The following NTRK3 variants were observed in gnomAD, a reference collection of about 807,000 sequenced individuals.
NTRK3 encodes neurotrophic receptor tyrosine kinase 3.
A neutral mutation model predicts 91.7 loss-of-function variants in NTRK3; 24 were observed. That is an observed-to-expected ratio of 0.26 (90% CI 0.19 to 0.37). NTRK3 has a LOEUF of 0.37. Among genes scored for constraint, NTRK3 ranks in the 10% least tolerant of loss-of-function variants. The pLI is 1.00. For missense variants in NTRK3, 880 were observed against 1,068.9 expected (o/e 0.82, Z 2.46); for synonymous variants, 483 against 404.0 (o/e 1.20, Z -2.34).
At chr15:88,064,197 T>C (rs1188726799) in intron 13 of NTRK3, among the ~76,000 whole-genome samples, 1 of 152,234 alleles carries the variant, frequency 6.6e-6, no homozygotes, top group Non-Finnish European at 1.5e-5. Context: ...CAGATTTCTC[T>C]TAAAAAGCCT....
chr15:87,962,139 C>G (rs1328258454), intron 14 of NTRK3, among the ~76,000 whole-genome samples: 1 of 152,234 alleles, frequency 6.6e-6, no homozygotes, highest in East Asian at 1.9e-4. Flanking sequence ...CAATGCTCCT[C>G]CCACACCCAG....
intron 13 of NTRK3, among the ~76,000 whole-genome samples, chr15:88,047,546 G>A (rs963496435): frequency 5.3e-5 from 8 of 152,090 alleles, no homozygotes; most frequent in Admixed American, 3.9e-4. Flanking sequence ...TCTAGATCAG[G>A]TTATATTATT....
intron 3 of NTRK3, among the ~76,000 whole-genome samples, chr15:88,193,433 G>A (rs1381907802): frequency 6.6e-6 from 1 of 152,108 alleles, no homozygotes; most frequent in Non-Finnish European, 1.5e-5. Flanking sequence ...GTCAGGGTCA[G>A]CAGTGGGGAA....
intron 14 of NTRK3, among the ~76,000 whole-genome samples, chr15:87,972,309 C>T (rs1244171614): frequency 6.6e-6 from 1 of 152,180 alleles, no homozygotes; most frequent in African/African-American, 2.4e-5. Flanking sequence ...GCATTACTTA[C>T]CAAAGCCAGG....
chr15:88,222,539 A>G (rs1409027590), intron 3 of NTRK3, among the ~76,000 whole-genome samples: 1 of 152,222 alleles, frequency 6.6e-6, no homozygotes, highest in African/African-American at 2.4e-5. Context: ...CATTTCTAGA[A>G]CATTTCACAC....
intron 14 of NTRK3, among the ~76,000 whole-genome samples, chr15:87,950,189 CAT>C (rs2070966783): frequency 6.6e-6 from 1 of 152,214 alleles, no homozygotes; most frequent in African/African-American, 2.4e-5. Context: ...TGGGCCAAGA[CAT>C]AGGTTGCAGG....
intron 17 of NTRK3, among the ~76,000 whole-genome samples, chr15:87,914,033 C>G (rs2067274118): frequency 6.6e-6 from 1 of 152,186 alleles, no homozygotes; most frequent in Non-Finnish European, 1.5e-5. Flanking sequence ...TGGAGTATTT[C>G]TGAACCTGCT....
At chr15:87,980,537 G>A (rs1340857129) in intron 14 of NTRK3, among the ~76,000 whole-genome samples, 6 of 152,192 alleles carry the variant, frequency 3.9e-5, no homozygotes, top group Non-Finnish European at 8.8e-5. Context: ...ACACATATGT[G>A]TGTGTTTGAA....
At chr15:88,185,073 A>G (rs766749865) in intron 3 of NTRK3, among the ~76,000 whole-genome samples, 2 of 152,186 alleles carry the variant, frequency 1.3e-5, no homozygotes, top group African/African-American at 4.8e-5. Flanking sequence ...GTAAAAGAGG[A>G]GAGTTGCACT....
At chr15:87,884,579 A>T (rs1336310996) in intron 17 of NTRK3, among the ~76,000 whole-genome samples, 1 of 151,776 alleles carries the variant, frequency 6.6e-6, no homozygotes, top group Non-Finnish European at 1.5e-5. Context: ...AAACTATGTT[A>T]TGAATATACT....
intron 14 of NTRK3, among the ~76,000 whole-genome samples, chr15:87,970,360 T>C (rs531198497): frequency 6.6e-6 from 1 of 152,290 alleles, no homozygotes; most frequent in Non-Finnish European, 1.5e-5. Context: ...GCAACCAGAA[T>C]TTTTTCTGAC....
intron 17 of NTRK3, among the ~76,000 whole-genome samples, chr15:87,898,284 G>A (rs149029066): frequency 2.0e-5 from 3 of 152,328 alleles, no homozygotes; most frequent in East Asian, 3.9e-4. Context: ...AGAGATAGAA[G>A]TTAATCTATT....
intron 3 of NTRK3, among the ~76,000 whole-genome samples, chr15:88,186,126 C>T (rs544291380): frequency 2.9e-4 from 44 of 152,282 alleles, no homozygotes; most frequent in African/African-American, 9.9e-4. Flanking sequence ...GTGTATTCCC[C>T]GGGTTTTGTA....
chr15:87,886,676 CTATATATATATATATA>C (rs35011403), intron 17 of NTRK3, among the ~76,000 whole-genome samples: 1 of 101,204 alleles, frequency 9.9e-6, no homozygotes, highest in Non-Finnish European at 2.0e-5. Flanking sequence ...CCACTTTTTG[CTATATATATATATATA>C]TATATATACA....
chr15:87,968,471 A>G (rs2072976925), intron 14 of NTRK3, among the ~76,000 whole-genome samples: 3 of 152,124 alleles, frequency 2.0e-5, no homozygotes, highest in Non-Finnish European at 4.4e-5. Flanking sequence ...GTTTTATAAC[A>G]GGAGTGTCAC....
intron 13 of NTRK3, among the ~76,000 whole-genome samples, chr15:88,057,207 G>T (rs1269354778): frequency 6.7e-6 from 1 of 150,044 alleles, no homozygotes; most frequent in African/African-American, 2.5e-5. Context: ...AAAGAAATGT[G>T]TCCTGAGGGC....
At chr15:88,152,767 C>T (rs1192142624) in intron 5 of NTRK3, among the ~76,000 whole-genome samples, 1 of 152,228 alleles carries the variant, frequency 6.6e-6, no homozygotes, top group African/African-American at 2.4e-5. Flanking sequence ...CTGTCACCCC[C>T]TTGCTCTGTC....
chr15:88,054,845 AT>A (rs201587565), intron 13 of NTRK3, among the ~76,000 whole-genome samples: 1 of 151,616 alleles, frequency 6.6e-6, no homozygotes, highest in African/African-American at 2.4e-5. Context: ...CTTTGCATGT[AT>A]TTTTTTTTCC....
chr15:87,865,152 T>C (rs1417066210), exon 19 of NTRK3: 4 of 210,228 alleles, frequency 1.9e-5, no homozygotes, highest in African/African-American at 9.1e-5. Flanking sequence ...TATGCAGCTT[T>C]ATTCTGATTT....
Sources: gnomAD v4.1 joint callset for allele counts (sites outside exome capture counted in the v4.1 genomes callset) on GRCh38, gnomAD v4.1.1 for gene constraint, MANE v1.5 for transcripts, NCBI Gene and HGNC (gene_info 2026-07-23, HGNC 2026-07-21) for gene names.